The following NELL1 variants were observed in gnomAD, a reference collection of about 807,000 sequenced individuals.
The protein encoded by NELL1 is neural EGFL like 1.
A neutral mutation model predicts 107.4 loss-of-function variants in NELL1; 76 were observed. That is an observed-to-expected ratio of 0.71 (90% confidence interval 0.59 to 0.86). The LOEUF (loss-of-function observed/expected upper bound fraction) is 0.86. Ranked by LOEUF, NELL1 falls within the 40% of genes least tolerant of loss-of-function variation. NELL1 has a pLI of 0.00. For synonymous variants in NELL1, 353 were observed against 341.2 expected, an observed-to-expected ratio of 1.03 and a Z score of -0.38; for missense variants, 1,024 against 1,005.5, an observed-to-expected ratio of 1.02 and a Z score of -0.25.
At chr11:21,403,006 A>C (rs1852135869) in intron 15 of NELL1, among the ~76,000 whole-genome samples, 1 of 151,730 alleles carries the variant, frequency 6.6e-6, no homozygotes. Context: ...CAATAACTGT[A>C]GGGAAGCCAC....
chr11:20,760,659 A>G (rs1380927062), intron 2 of NELL1, among the ~76,000 whole-genome samples: 2 of 152,234 alleles, frequency 1.3e-5, no homozygotes, highest in Non-Finnish European at 2.9e-5. Context: ...TCCTAGATCT[A>G]TCAGGCAAGA....
intron 15 of NELL1, among the ~76,000 whole-genome samples, chr11:21,430,010 G>C (rs1852927337): frequency 6.6e-6 from 1 of 152,138 alleles, no homozygotes; most frequent in Non-Finnish European, 1.5e-5. Flanking sequence ...TACGGAACTT[G>C]AAACATCTCA....
At chr11:20,814,216 G>T (rs958127451) in intron 3 of NELL1, among the ~76,000 whole-genome samples, 23 of 152,194 alleles carry the variant, frequency 1.5e-4, no homozygotes, top group African/African-American at 5.3e-4. Context: ...GGATGGTCTC[G>T]ATCTCCTGAC....
intron 13 of NELL1, among the ~76,000 whole-genome samples, chr11:21,150,680 T>C (rs1856094916): frequency 6.6e-6 from 1 of 152,186 alleles, no homozygotes; most frequent in African/African-American, 2.4e-5. Context: ...TGGGCAATTT[T>C]TTAATTGCTG....
chr11:20,875,433 G>C (rs1292090297), intron 4 of NELL1, among the ~76,000 whole-genome samples: 1 of 152,142 alleles, frequency 6.6e-6, no homozygotes, highest in South Asian at 2.1e-4. Flanking sequence ...GCCAGGTATA[G>C]TAGCATGCAC....
At position 21,522,826 on chromosome 11, in the gene NELL1, TTTC is replaced by T. The variant is rs1309776596; in HGVS notation, c.1646-11545_1646-11543del. Among the ~76,000 whole-genome samples, 1,372 of 140,128 alleles carry T rather than the reference TTTC, an allele frequency of 9.8e-3. 35 individuals are homozygous for T. Among genetic ancestry groups the T allele is most frequent in the East Asian group, 0.07 (340 of 4,832 alleles). 91.9% of individuals were successfully genotyped at this position (140,128 alleles called of 152,430 possible). ...TTTTCTTTATCTTGAATCCTATTTT[TTTC>T]TTTTCTTTTTTTTTTTTTTTTTTTT... On this transcript the variant is annotated intron_variant, in intron 15 of 19. Coordinates refer to ENST00000357134, the MANE Select transcript of NELL1 (RefSeq NM_006157.5).
chr11:21,480,653 G>A (rs1028010818), intron 15 of NELL1, among the ~76,000 whole-genome samples: 1 of 152,170 alleles, frequency 6.6e-6, no homozygotes, highest in Non-Finnish European at 1.5e-5. Flanking sequence ...TTTGATTTAA[G>A]CTCCTCTGCA....
intron 14 of NELL1, among the ~76,000 whole-genome samples, chr11:21,323,054 T>C (rs1850049792): frequency 6.6e-6 from 1 of 152,186 alleles, no homozygotes; most frequent in African/African-American, 2.4e-5. Flanking sequence ...TTTAAAATTC[T>C]CTAATGCATG....
At chr11:20,713,365 C>T (rs771869427) in intron 2 of NELL1, among the ~76,000 whole-genome samples, 24 of 151,970 alleles carry the variant, frequency 1.6e-4, no homozygotes, top group Admixed American at 9.2e-4. Flanking sequence ...GGTAGAGGGG[C>T]GGTGGTTCTC....
chr11:20,833,688 T>C (rs920439560), intron 3 of NELL1, among the ~76,000 whole-genome samples: 2 of 152,024 alleles, frequency 1.3e-5, no homozygotes, highest in Non-Finnish European at 2.9e-5. Context: ...AAAAACCCTA[T>C]GTGGTGGTGG....
At chr11:20,742,557 G>T (rs976240892) in intron 2 of NELL1, among the ~76,000 whole-genome samples, 1 of 152,238 alleles carries the variant, frequency 6.6e-6, no homozygotes, top group African/African-American at 2.4e-5. Flanking sequence ...TGGCTAGGAG[G>T]CCTCACAATC....
chr11:21,573,370 G>A lies in NELL1; in HGVS notation c.2343G>A (p.Trp781Ter). Residue 781 changes from tryptophan to a stop codon, truncating the protein, a stop_gained, in exon 19 of 20, where the codon TGG becomes TGA. Coordinates refer to ENST00000357134, the MANE Select transcript of NELL1 (RefSeq NM_006157.5). LOFTEE classifies it high-confidence loss of function. ...TTTCACGGCTTAGTGGCTCAGTGTG[G>A]ACGATGGCTGGATCTCCCTGCACAA... ...YGVSRLSGSV[W>*]TMAGSPCTTC... 2 of 1,612,324 alleles carry A rather than the reference G, an allele frequency of 1.2e-6. No homozygotes were observed. Among genetic ancestry groups the A allele is most frequent in the Non-Finnish European group, 1.7e-6 (2 of 1,178,916 alleles).
intron 14 of NELL1, among the ~76,000 whole-genome samples, chr11:21,329,192 C>T (rs909949804): frequency 2.6e-5 from 4 of 152,080 alleles, no homozygotes; most frequent in South Asian, 2.1e-4. Flanking sequence ...AAGAGGGACC[C>T]AGTGGGAGGT....
Position 20,708,276 on chromosome 11 carries a change from C to T in NELL1, c.184+30216C>T, listed in dbSNP as rs187220940. ...CCCTTGGCTAGGAAAGGGAATTCCC[C>T]GATCCCTTGCACTTCCCGGGTGAGG... On this transcript the variant is annotated intron_variant, in intron 2 of 19. Coordinates refer to ENST00000357134, the MANE Select transcript of NELL1 (RefSeq NM_006157.5). 1.5e-3 allele frequency among the ~76,000 whole-genome samples: 234 copies of T among 152,338 alleles called. 1 individual carries two copies. The highest frequency in any genetic ancestry group is 4.7e-3 in the African/African-American group (195 of 41,578).
intron 14 of NELL1, among the ~76,000 whole-genome samples, chr11:21,229,994 C>T (rs1273643187): frequency 6.6e-6 from 1 of 152,134 alleles, no homozygotes; most frequent in African/African-American, 2.4e-5. Flanking sequence ...GCTGACACCT[C>T]TCTTTCCTCT....
At chr11:20,999,903 C>T (rs1358730745) in intron 12 of NELL1, among the ~76,000 whole-genome samples, 1 of 152,006 alleles carries the variant, frequency 6.6e-6, no homozygotes, top group Non-Finnish European at 1.5e-5. Flanking sequence ...TGCCACCTGC[C>T]CTGTAAAGGA....
chr11:21,084,826 A>G (rs16907432), intron 12 of NELL1, among the ~76,000 whole-genome samples: 22,571 of 152,178 alleles, frequency 0.15, 2,068 homozygotes, highest in Middle Eastern at 0.27. Context: ...ACCCAGAGAC[A>G]TTAAAAATAC....
intron 14 of NELL1, among the ~76,000 whole-genome samples, 158 bp from the exon 15 acceptor site, chr11:21,370,695 A>G (rs1851337887): frequency 6.6e-6 from 1 of 152,134 alleles, no homozygotes; most frequent in Non-Finnish European, 1.5e-5. Flanking sequence ...AGGTATTATT[A>G]CATTTATTTC....
At chr11:21,210,752 C>A (rs529729682) in intron 13 of NELL1, among the ~76,000 whole-genome samples, 123 of 152,232 alleles carry the variant, frequency 8.1e-4, no homozygotes, top group Non-Finnish European at 1.3e-3. Flanking sequence ...TCTCCACCCA[C>A]AAAATCACTG....
Sources: allele counts gnomAD v4.1 joint callset (sites outside exome capture counted in the v4.1 genomes callset), GRCh38; gene constraint gnomAD v4.1.1; transcripts MANE v1.5; gene names NCBI Gene and HGNC (gene_info 2026-07-23, HGNC 2026-07-21).